Variants in PDE4B observed in about 807,000 individuals in gnomAD.
PDE4B encodes phosphodiesterase 4B, also known as 3',5'-cyclic-AMP phosphodiesterase 4B.
PDE4B carries 20 observed loss-of-function variants against 82.2 expected under a neutral mutation model. That is an observed-to-expected ratio of 0.24 (90% confidence interval 0.17 to 0.35). The LOEUF is 0.35. Ranked by LOEUF, PDE4B falls within the 10% of genes least tolerant of loss-of-function variation. PDE4B has a pLI of 1.00. For missense variants in PDE4B, 655 were observed against 907.2 expected, an observed-to-expected ratio of 0.72 and a Z score of 3.57; for synonymous variants, 320 against 318.9, an observed-to-expected ratio of 1.00 and a Z score of -0.04.
intron 3 of PDE4B, among the ~76,000 whole-genome samples, chr1:66,010,428 T>G (rs1652420732): frequency 6.6e-6 from 1 of 151,952 alleles, no homozygotes; most frequent in Non-Finnish European, 1.5e-5. Context: ...GTGATTACAT[T>G]GTTTACTAGC....
chr1:66,222,670 G>A (rs1267976588), intron 3 of PDE4B, among the ~76,000 whole-genome samples: 2 of 152,130 alleles, frequency 1.3e-5, no homozygotes, highest in African/African-American at 2.4e-5. Flanking sequence ...CTGATCATTC[G>A]TTTCCTCATT....
chr1:65,803,724 C>T (rs1212193989), intron 1 of PDE4B, among the ~76,000 whole-genome samples: 1 of 152,144 alleles, frequency 6.6e-6, no homozygotes, highest in Non-Finnish European at 1.5e-5. Flanking sequence ...TAGAATGGAA[C>T]TTCCAATGCC....
At chr1:65,856,718 A>G (rs1025750624) in intron 1 of PDE4B, among the ~76,000 whole-genome samples, 1 of 152,198 alleles carries the variant, frequency 6.6e-6, no homozygotes, top group African/African-American at 2.4e-5. Context: ...GCTTGGTCAA[A>G]TGGTATTTCT....
intron 1 of PDE4B, among the ~76,000 whole-genome samples, chr1:65,891,132 C>T (rs1646848714): frequency 6.6e-6 from 1 of 152,062 alleles, no homozygotes; most frequent in Non-Finnish European, 1.5e-5. Context: ...TTATCATTTG[C>T]CATTTGTGGA....
chr1:65,884,562 T>A (rs1440017553), intron 1 of PDE4B, among the ~76,000 whole-genome samples: 1 of 152,144 alleles, frequency 6.6e-6, no homozygotes, highest in Admixed American at 6.6e-5. Context: ...ACCACACATC[T>A]ACAACCATCT....
At chr1:66,271,998 G>T (rs578133339) in intron 7 of PDE4B, among the ~76,000 whole-genome samples, 2 of 152,318 alleles carry the variant, frequency 1.3e-5, no homozygotes, top group African/African-American at 4.8e-5. Context: ...GCACTGTGCT[G>T]TAGCATCAGG....
intron 8 of PDE4B, among the ~76,000 whole-genome samples, chr1:66,353,992 T>C (rs886316359): frequency 6.6e-6 from 1 of 152,186 alleles, no homozygotes; most frequent in Non-Finnish European, 1.5e-5. Flanking sequence ...GAAACTTACA[T>C]GCTGCATAGG....
At chr1:66,195,418 T>C (rs1397750517) in intron 3 of PDE4B, among the ~76,000 whole-genome samples, 1 of 152,166 alleles carries the variant, frequency 6.6e-6, no homozygotes, top group Admixed American at 6.6e-5. Flanking sequence ...TGACCTTCTT[T>C]CATGGGGAAC....
intron 3 of PDE4B, among the ~76,000 whole-genome samples, chr1:65,928,630 C>G (rs975840397): frequency 1.3e-5 from 2 of 152,148 alleles, no homozygotes; most frequent in African/African-American, 4.8e-5. Flanking sequence ...TTCAAAGATG[C>G]AGGTGCCACC....
In PDE4B at chr1:65,890,506, C is replaced by T. The variant is rs549646820; in HGVS notation, c.-70-22739C>T. Among the ~76,000 whole-genome samples the T allele has an allele frequency of 2.0e-5, 3 of 152,154 alleles. No individual in the cohort carries two copies. In the East Asian group the frequency reaches 5.8e-4, roughly 29 times the overall value. ...CCAGATGAATTTAATCAATTAACAA[C>T]TAGACATTGTGACGGATTGAAGTAT... is the stretch of plus-strand genomic sequence containing the variant. On this transcript the variant is annotated intron_variant, in intron 1 of 16. Coordinates refer to ENST00000341517, the MANE Select transcript of PDE4B (RefSeq NM_002600.4).
At chr1:66,028,595 C>T (rs1653585733) in intron 3 of PDE4B, among the ~76,000 whole-genome samples, 1 of 152,172 alleles carries the variant, frequency 6.6e-6, no homozygotes, top group South Asian at 2.1e-4. Context: ...CTTTTATGCT[C>T]TGCTTCCCTT....
intron 3 of PDE4B, among the ~76,000 whole-genome samples, chr1:65,956,908 C>T (rs953417523): frequency 2.0e-5 from 3 of 152,010 alleles, no homozygotes; most frequent in African/African-American, 7.2e-5. Context: ...TATCTGTGTA[C>T]TCTCTGATCT....
At chr1:66,224,949 G>A (rs1651315143) in intron 3 of PDE4B, among the ~76,000 whole-genome samples, 1 of 152,144 alleles carries the variant, frequency 6.6e-6, no homozygotes, top group Admixed American at 6.5e-5. Context: ...GAAATCACAA[G>A]AGAGCTAATT....
intron 13 of PDE4B, among the ~76,000 whole-genome samples, chr1:66,367,276 T>C (rs1000841884): frequency 6.6e-6 from 1 of 152,194 alleles, no homozygotes; most frequent in Admixed American, 6.5e-5. Context: ...AGGGAGAATG[T>C]AAAATGTGAA....
intron 1 of PDE4B, among the ~76,000 whole-genome samples, chr1:65,803,455 A>G (rs1645718976): frequency 6.6e-6 from 1 of 152,222 alleles, no homozygotes; most frequent in African/African-American, 2.4e-5. Context: ...TGTGGTCTTC[A>G]ATACAAGTTT....
intron 1 of PDE4B, among the ~76,000 whole-genome samples, chr1:65,814,239 A>G (rs1645853632): frequency 6.6e-6 from 1 of 152,224 alleles, no homozygotes; most frequent in Non-Finnish European, 1.5e-5. Context: ...CTGGACTGGT[A>G]GTCTTCAAAT....
intron 3 of PDE4B, among the ~76,000 whole-genome samples, chr1:66,058,182 A>T (rs1421529030): frequency 6.6e-6 from 1 of 152,194 alleles, no homozygotes; most frequent in African/African-American, 2.4e-5. Context: ...CTCCCAAATG[A>T]TCTCCTTTGA....
chr1:65,934,021 A>G (rs1647984042), intron 3 of PDE4B, among the ~76,000 whole-genome samples: 1 of 152,248 alleles, frequency 6.6e-6, no homozygotes, highest in South Asian at 2.1e-4. Context: ...AGTTGTTATC[A>G]GTTTAATATA....
chr1:66,071,324 T>G (rs1213800347), intron 3 of PDE4B, among the ~76,000 whole-genome samples: 1 of 152,110 alleles, frequency 6.6e-6, no homozygotes, highest in African/African-American at 2.4e-5. Context: ...TAGTGGATAA[T>G]TATATAAAGA....
Sources: gnomAD v4.1 joint callset for allele counts (sites outside exome capture counted in the v4.1 genomes callset) on GRCh38, gnomAD v4.1.1 for gene constraint, MANE v1.5 for transcripts, NCBI Gene and HGNC (gene_info 2026-07-23, HGNC 2026-07-21) for gene names.